DGKB: variants seen among roughly 807,000 people sequenced by gnomAD.
DGKB encodes the protein 90 kDa diacylglycerol kinase.
A neutral mutation model predicts 114.3 loss-of-function variants in DGKB; 67 were observed. That is an observed-to-expected ratio of 0.59 (90% confidence interval 0.48 to 0.72). The LOEUF (loss-of-function observed/expected upper bound fraction) is 0.72, where lower values mean the gene tolerates loss of function less well. Ranked by LOEUF, DGKB falls within the 30% of genes least tolerant of loss-of-function variation. The pLI, the probability that DGKB is intolerant of heterozygous loss-of-function variation, is 0.00. For synonymous variants in DGKB, 398 were observed against 323.1 expected, an observed-to-expected ratio of 1.23 and a Z score of -2.49; for missense variants, 907 against 975.2, an observed-to-expected ratio of 0.93 and a Z score of 0.93.
At chr7:14,275,760 T>A (rs904988821) in intron 23 of DGKB, among the ~76,000 whole-genome samples, 2 of 152,180 alleles carry the variant, frequency 1.3e-5, no homozygotes, top group African/African-American at 4.8e-5. Context: ...CAGTAACAGA[T>A]TAGAAGAATT....
intron 4 of DGKB, chr7:14,750,127 C>T (rs369593155): frequency 5.8e-6 from 3 of 518,236 alleles, no homozygotes; most frequent in Non-Finnish European, 1.2e-5. Flanking sequence ...CAGAAAAGTT[C>T]CTTAAATTGC....
At chr7:14,842,257 T>G in intron 1 of DGKB, among the ~76,000 whole-genome samples, 1 of 152,244 alleles carries the variant, frequency 6.6e-6, no homozygotes, top group East Asian at 1.9e-4. Flanking sequence ...AAAGTCACCT[T>G]ACTTCTACAG....
At chr7:14,597,832 G>A (rs1802856592) in intron 17 of DGKB, among the ~76,000 whole-genome samples, 1 of 152,094 alleles carries the variant, frequency 6.6e-6, no homozygotes. Flanking sequence ...TTACATGTGT[G>A]TGTGTGTGCA....
intron 21 of DGKB, among the ~76,000 whole-genome samples, chr7:14,423,347 T>C (rs1827006962): frequency 6.6e-6 from 1 of 152,014 alleles, no homozygotes; most frequent in African/African-American, 2.4e-5. Flanking sequence ...TCAAAAAGAA[T>C]GGTGTTATTT....
intron 23 of DGKB, among the ~76,000 whole-genome samples, chr7:14,233,885 T>C (rs920941084): frequency 6.6e-6 from 1 of 152,048 alleles, no homozygotes; most frequent in Non-Finnish European, 1.5e-5. Flanking sequence ...ATAAAGCTTC[T>C]GTTTGTCACT....
At position 14,647,691 on chromosome 7, in the gene DGKB, G is replaced by A. The variant is rs112244182; in HGVS notation, c.1135-17423C>T. Among the ~76,000 whole-genome samples, 642 of 152,312 alleles carry A rather than the reference G, an allele frequency of 4.2e-3. 2 individuals carry two copies. Among genetic ancestry groups the A allele is most frequent in the African/African-American group, 0.014 (587 of 41,580 alleles). ...CGGGTCTACAGCTCCCAGCATGAAC[G>A]ACGCAGAAGACGGGTGATTTCTGCA... On this transcript the variant is annotated intron_variant, in intron 13 of 25. Coordinates refer to ENST00000402815, the MANE Select transcript of DGKB (RefSeq NM_001350709.2).
At chr7:14,244,916 T>C (rs1358882303) in intron 23 of DGKB, among the ~76,000 whole-genome samples, 1 of 152,020 alleles carries the variant, frequency 6.6e-6, no homozygotes, top group African/African-American at 2.4e-5. Flanking sequence ...AGCCACCCAG[T>C]CTATACTATT....
chr7:14,153,892 C>A (rs114906176), intron 25 of DGKB, among the ~76,000 whole-genome samples: 2,115 of 152,152 alleles, frequency 0.014, 47 homozygotes, highest in African/African-American at 0.044. Flanking sequence ...GAACTCTATA[C>A]TTAGTCAATG....
At chr7:14,645,814 C>A (rs972628976) in intron 13 of DGKB, among the ~76,000 whole-genome samples, 11 of 151,936 alleles carry the variant, frequency 7.2e-5, no homozygotes, top group Non-Finnish European at 1.5e-4. Flanking sequence ...CATCACCAGA[C>A]TGGATATACA....
intron 23 of DGKB, among the ~76,000 whole-genome samples, chr7:14,185,920 AGAT>A (rs2128258702): frequency 6.6e-6 from 1 of 152,354 alleles, no homozygotes; most frequent in East Asian, 1.9e-4. Flanking sequence ...AAATTCTAGA[AGAT>A]AACATTGGAA....
chr7:14,437,478 C>G (rs1376767329), intron 21 of DGKB, among the ~76,000 whole-genome samples: 1 of 151,922 alleles, frequency 6.6e-6, no homozygotes, highest in African/African-American at 2.4e-5. Flanking sequence ...AAAATATGCT[C>G]CACTCTTAAA....
chr7:14,846,341 A>T (rs1011242051), intron 1 of DGKB, among the ~76,000 whole-genome samples: 7 of 152,190 alleles, frequency 4.6e-5, no homozygotes, highest in Non-Finnish European at 1.0e-4. Flanking sequence ...GTGATATGAC[A>T]TGTAGCTAAA....
chr7:14,928,144 TA>T, intron 1 of DGKB, among the ~76,000 whole-genome samples: 1 of 152,128 alleles, frequency 6.6e-6, no homozygotes, highest in African/African-American at 2.4e-5. Context: ...ATAAATATGC[TA>T]AAATATAGAT....
At position 14,148,216 on chromosome 7, in the gene DGKB, A is replaced by G. The variant is rs1781689367; in HGVS notation, c.*915T>C. The G allele has an allele frequency of 6.6e-6, 1 of 152,640 alleles. No homozygotes were observed. The highest frequency in any genetic ancestry group is 1.5e-5 in the Non-Finnish European group (1 of 68,012). 9.5% of individuals were successfully genotyped at this position (152,640 alleles called of 1,614,324 possible). ...ATGGGCAACTCACTCGCTTTCCAGC[A>G]TTTTAGTCATCACAAAATTAATCAC... On this transcript the variant is annotated 3_prime_UTR_variant, in exon 26 of 26. Coordinates refer to ENST00000402815, the MANE Select transcript of DGKB (RefSeq NM_001350709.2).
chr7:14,784,708 T>C (rs905381067), intron 2 of DGKB, among the ~76,000 whole-genome samples: 1 of 152,212 alleles, frequency 6.6e-6, no homozygotes, highest in Non-Finnish European at 1.5e-5. Flanking sequence ...ATTTTTGTTA[T>C]CTATTTTTTA....
chr7:14,736,545 A>C (rs555507144), intron 4 of DGKB, among the ~76,000 whole-genome samples: 2 of 152,308 alleles, frequency 1.3e-5, no homozygotes, highest in African/African-American at 4.8e-5. Flanking sequence ...TGTTGCAGTG[A>C]TTAAATCAGG....
intron 23 of DGKB, among the ~76,000 whole-genome samples, chr7:14,184,444 G>A (rs1783098481): frequency 6.6e-6 from 1 of 152,144 alleles, no homozygotes; most frequent in African/African-American, 2.4e-5. Context: ...TGGGGGCACG[G>A]TGAGAGTTAG....
intron 25 of DGKB, among the ~76,000 whole-genome samples, chr7:14,157,186 C>A (rs1404850443): frequency 1.3e-5 from 2 of 152,050 alleles, no homozygotes. Context: ...TTATCTGGAA[C>A]ACTAAAAGTT....
At chr7:14,246,761 TACC>T (rs1463829208) in intron 23 of DGKB, among the ~76,000 whole-genome samples, 2 of 152,274 alleles carry the variant, frequency 1.3e-5, no homozygotes, top group East Asian at 3.9e-4. Context: ...GTGAAATGAT[TACC>T]ACAATCTAAT....
Sources: gnomAD v4.1 joint callset for allele counts (sites outside exome capture counted in the v4.1 genomes callset) on GRCh38, gnomAD v4.1.1 for gene constraint, MANE v1.5 for transcripts, NCBI Gene and HGNC (gene_info 2026-07-23, HGNC 2026-07-21) for gene names.